Variants in MYCBP2 observed in about 807,000 individuals in gnomAD.
MYCBP2 encodes E3 ubiquitin-protein ligase MYCBP2.
A neutral mutation model predicts 525.3 loss-of-function variants in MYCBP2; 120 were observed. The ratio of observed to expected loss-of-function variants is 0.23; its 90% CI spans 0.20 to 0.27. The LOEUF is 0.27. MYCBP2 is among the 10% of genes least tolerant of loss of function. The pLI is 1.00. For synonymous variants in MYCBP2, 1,894 were observed against 1,955.8 expected (o/e 0.97, Z 0.83); for missense variants, 4,149 against 5,657.1 (o/e 0.73, Z 8.55).
intron 41 of MYCBP2, 99 bp downstream of exon 41, chr13:77,166,230 C>A: frequency 1.0e-5 from 9 of 895,880 alleles, no homozygotes; most frequent in South Asian, 4.0e-5. Context: ...TAATAAATTT[C>A]TCTAAAAATT....
In MYCBP2 at chr13:77,225,518, T is replaced by C. The variant is rs746925496; in HGVS notation, c.2774A>G (p.Lys925Arg). 1.9e-6 allele frequency: 3 copies of C among 1,613,706 alleles called. No homozygotes were observed. Among genetic ancestry groups the C allele is most frequent in the South Asian group, 1.1e-5 (1 of 91,058 alleles). ...SGERGEKDAS[K>R]ITTYPPGSVR... is the part of the protein sequence containing the mutation. Reference sequence around the variant, plus strand: ...AGAGCCTGGAGGGTATGTTGTGATTTTGCTTGCATCCTTTTCGCCTCTTTC... The same window carrying C: ...AGAGCCTGGAGGGTATGTTGTGATTCTGCTTGCATCCTTTTCGCCTCTTTC... The change falls in exon 19 of 83, where the codon AAA becomes AGA. Residue 925 changes from lysine to arginine, a missense_variant. Lys to Arg is a conservative substitution (Grantham distance 26). Around this residue, in one of 21 missense-constraint regions of MYCBP2, gnomAD observed 620 missense variants for 795.5 expected, o/e 0.78. Coordinates refer to ENST00000544440, the MANE Select transcript of MYCBP2 (RefSeq NM_015057.5).
intron 1 of MYCBP2, among the ~76,000 whole-genome samples, chr13:77,302,493 T>C (rs1022941774): frequency 1.3e-5 from 2 of 152,064 alleles, no homozygotes; most frequent in Non-Finnish European, 1.5e-5. Flanking sequence ...AAAATAAAGA[T>C]GTTTTTAGAT....
At chr13:77,223,174 G>A (rs760880917) in intron 20 of MYCBP2, among the ~76,000 whole-genome samples, 10 of 152,206 alleles carry the variant, frequency 6.6e-5, no homozygotes, top group Non-Finnish European at 1.0e-4. Flanking sequence ...CCCTTTGGAT[G>A]CACGAGGACA....
chr13:77,098,397 G>A lies in MYCBP2; in HGVS notation c.8757C>T (p.Pro2919=). Residue 2919 remains proline, a synonymous_variant, in exon 56 of 83, where the codon CCC becomes CCT. Transcript: ENST00000544440. ...TDSPGSENRA[P]SPHVVQENLH... ...GGTTTTCCTGTACCACATGGGGAGAGGGAGCTCTATTTTCAGATCCAGGGG... is the reference window on the plus strand; with the variant it reads ...GGTTTTCCTGTACCACATGGGGAGAAGGAGCTCTATTTTCAGATCCAGGGG... The A allele has an allele frequency of 6.2e-7, 1 of 1,613,588 alleles. No individual in the cohort carries two copies.
chr13:77,110,761 T>C (rs989331289), intron 55 of MYCBP2, among the ~76,000 whole-genome samples: 4 of 152,104 alleles, frequency 2.6e-5, no homozygotes, highest in South Asian at 2.1e-4. Context: ...TTAGGGAAAA[T>C]AGAAAGAACC....
intron 27 of MYCBP2, among the ~76,000 whole-genome samples, chr13:77,192,613 G>A (rs2061391278): frequency 1.3e-5 from 2 of 152,244 alleles, no homozygotes; most frequent in South Asian, 4.1e-4. Flanking sequence ...AAAGAGGTCA[G>A]GAAATGACAA....
intron 81 of MYCBP2, among the ~76,000 whole-genome samples, 178 bp from the exon 82 acceptor site, chr13:77,051,340 C>A (rs2036767724): frequency 6.6e-6 from 1 of 152,198 alleles, no homozygotes; most frequent in African/African-American, 2.4e-5. Flanking sequence ...AAATATGTGG[C>A]CTGTCCAAAA....
chr13:77,118,875 C>T (rs955533316), intron 55 of MYCBP2, among the ~76,000 whole-genome samples: 2 of 152,084 alleles, frequency 1.3e-5, no homozygotes, highest in Non-Finnish European at 2.9e-5. Flanking sequence ...TTCCATAGTT[C>T]CCAACAATGA....
intron 46 of MYCBP2, among the ~76,000 whole-genome samples, chr13:77,151,799 T>C (rs577463332): frequency 4.3e-4 from 66 of 152,378 alleles, no homozygotes; most frequent in Non-Finnish European, 3.7e-4. Flanking sequence ...AAAAATACTT[T>C]TTAGAAATAT....
chr13:77,087,683 A>G, intron 61 of MYCBP2, 50 bp from the exon 62 acceptor site: 1 of 1,507,276 alleles, frequency 6.6e-7, no homozygotes, highest in Non-Finnish European at 9.0e-7. Flanking sequence ...CATGAGTTTA[A>G]AAAGTACTCA....
At chr13:77,085,720 G>A (rs1233225486) in intron 62 of MYCBP2, among the ~76,000 whole-genome samples, 1 of 152,144 alleles carries the variant, frequency 6.6e-6, no homozygotes, top group Non-Finnish European at 1.5e-5. Flanking sequence ...TCTGGCATCT[G>A]AACAAACCTA....
At chr13:77,271,708 C>T (rs1209986426) in intron 5 of MYCBP2, among the ~76,000 whole-genome samples, 1 of 152,206 alleles carries the variant, frequency 6.6e-6, no homozygotes, top group African/African-American at 2.4e-5. Flanking sequence ...CTTGCTCCTC[C>T]TTGCCTTCCA....
At chr13:77,319,284 T>C (rs1309584799) in intron 1 of MYCBP2, among the ~76,000 whole-genome samples, 7 of 152,136 alleles carry the variant, frequency 4.6e-5, no homozygotes, top group Admixed American at 2.6e-4. Flanking sequence ...CCCCTCTAGC[T>C]AGTAGAAGAA....
chr13:77,299,471 G>GGAA (rs2078541820), intron 1 of MYCBP2, among the ~76,000 whole-genome samples: 1 of 151,984 alleles, frequency 6.6e-6, no homozygotes, highest in Non-Finnish European at 1.5e-5. Flanking sequence ...GGTTTGCAGA[G>GGAA]GAAGAGGTAG....
At chr13:77,093,982 A>AT (rs1321031977) in intron 58 of MYCBP2, among the ~76,000 whole-genome samples, 1 of 152,194 alleles carries the variant, frequency 6.6e-6, no homozygotes, top group Non-Finnish European at 1.5e-5. Flanking sequence ...AAATGAACAA[A>AT]TAGTTGCTAA....
intron 8 of MYCBP2, among the ~76,000 whole-genome samples, chr13:77,265,901 G>A (rs749647570): frequency 1.3e-5 from 2 of 152,126 alleles, no homozygotes; most frequent in Non-Finnish European, 2.9e-5. Flanking sequence ...ACATCTGCCA[G>A]TTCTGAAGAC....
chr13:77,200,706 C>G (rs1189905748), intron 26 of MYCBP2, among the ~76,000 whole-genome samples: 4 of 152,194 alleles, frequency 2.6e-5, no homozygotes, highest in South Asian at 4.1e-4. Context: ...AGCAGAAACT[C>G]TACAAGCCAG....
chr13:77,233,877 C>CGA (rs71102725), intron 17 of MYCBP2, among the ~76,000 whole-genome samples: 24,761 of 145,464 alleles, frequency 0.17, 2,245 homozygotes, highest in South Asian at 0.4. Context: ...AGAGAGAGAA[C>CGA]GAGAGAGAGA....
chr13:77,161,911 A>G lies in MYCBP2; in HGVS notation c.6592T>C (p.Leu2198=), dbSNP rs1254399906. ...TAAAACATTTGGGACAATACCTGCAATGCAGCCTCCTCAAGAATTTCAAGG... is the reference window on the plus strand; with the variant it reads ...TAAAACATTTGGGACAATACCTGCAGTGCAGCCTCCTCAAGAATTTCAAGG... ...EDLEILEEAA[L]QVCKTHSGIL... Residue 2198 remains leucine, a synonymous_variant, in exon 44 of 83, where the codon TTG becomes CTG. Transcript: ENST00000544440. 4.4e-6 allele frequency: 7 copies of G among 1,608,604 alleles called. No individual in the cohort carries two copies. The highest frequency in any genetic ancestry group is 5.9e-6 in the Non-Finnish European group (7 of 1,177,144).
Sources: allele counts gnomAD v4.1 joint callset (sites outside exome capture counted in the v4.1 genomes callset), GRCh38; gene constraint gnomAD v4.1.1; regional missense constraint gnomAD v4.1.1; transcripts MANE v1.5; gene names NCBI Gene and HGNC (gene_info 2026-07-23, HGNC 2026-07-21).